The following BIRC6 variants were observed in gnomAD, a reference collection of about 807,000 sequenced individuals.
BIRC6 encodes the protein dual E2 ubiquitin-conjugating enzyme/E3 ubiquitin-protein ligase BIRC6.
A neutral mutation model predicts 503.3 loss-of-function variants in BIRC6; 98 were observed. The ratio of observed to expected loss-of-function variants is 0.19; its 90% CI spans 0.17 to 0.23. The LOEUF (loss-of-function observed/expected upper bound fraction) is 0.23, where lower values mean the gene tolerates loss of function less well. Among genes scored for constraint, BIRC6 ranks in the 10% least tolerant of loss-of-function variants. BIRC6 has a pLI of 1.00. For synonymous variants in BIRC6, 2,240 were observed against 2,078.7 expected (o/e 1.08, Z -2.11); for missense variants, 5,360 against 5,806.0 (o/e 0.92, Z 2.50).
chr2:32,545,623 CTCT>C lies in BIRC6; in HGVS notation c.12593-15_12593-13del, dbSNP rs1191271589. 1 of 1,585,934 alleles carries C rather than the reference CTCT, an allele frequency of 6.3e-7. No individual in the cohort carries two copies. The highest frequency in any genetic ancestry group is 8.7e-7 in the Non-Finnish European group (1 of 1,155,158). On this transcript the variant is annotated splice_polypyrimidine_tract_variant and intron_variant, in intron 62 of 73. Coordinates refer to ENST00000421745, the MANE Select transcript of BIRC6 (RefSeq NM_016252.4). ...TTTTAACTGTTTTTAATCTTGAGTC[CTCT>C]TCTTTCTTCAATCTAGGTCATATTC...
intron 53 of BIRC6, among the ~76,000 whole-genome samples, chr2:32,511,476 A>ATTTTTTTTTTTTTT (rs1166383796): frequency 5.0e-5 from 4 of 80,162 alleles, no homozygotes; most frequent in Non-Finnish European, 7.5e-5. Context: ...TAACTGACTA[A>ATTTTTTTTTTTTTT]TTTTTTTTTT....
At chr2:32,533,877 G>A (rs1322534404) in intron 61 of BIRC6, among the ~76,000 whole-genome samples, 1 of 152,156 alleles carries the variant, frequency 6.6e-6, no homozygotes, top group East Asian at 1.9e-4. Flanking sequence ...ATAATAAATT[G>A]TGCTGTTCTG....
At chr2:32,450,645 G>A (rs1226771895) in intron 22 of BIRC6, among the ~76,000 whole-genome samples, 3 of 152,098 alleles carry the variant, frequency 2.0e-5, no homozygotes, top group East Asian at 3.9e-4. Flanking sequence ...TCACCATATG[G>A]CACCTATTTT....
intron 66 of BIRC6, 113 bp downstream of exon 66, chr2:32,575,479 C>A (rs146191985): frequency 2.0e-6 from 2 of 990,454 alleles, no homozygotes; most frequent in East Asian, 2.5e-5. Flanking sequence ...GCATATACAC[C>A]CTCGGCTGGG....
chr2:32,529,596 C>T, intron 59 of BIRC6, 55 bp from the exon 60 acceptor site: 1 of 1,400,062 alleles, frequency 7.1e-7, no homozygotes. Context: ...AATAATTAAA[C>T]CAAGTAAATG....
intron 64 of BIRC6, among the ~76,000 whole-genome samples, chr2:32,548,364 A>ATTTTTT (rs1491147471): frequency 2.9e-5 from 2 of 68,048 alleles, no homozygotes; most frequent in South Asian, 4.4e-4. Context: ...TTGGTTGCTT[A>ATTTTTT]CTTTTTTTTT....
At position 32,480,233 on chromosome 2, in the gene BIRC6, C is replaced by T. The variant is rs144951591; in HGVS notation, c.7408+616C>T. On this transcript the variant is annotated intron_variant, in intron 37 of 73. Coordinates refer to ENST00000421745, the MANE Select transcript of BIRC6 (RefSeq NM_016252.4). The stretch of plus-strand genomic sequence containing the variant: ...TTCGTTATCGAAGGTTCACATAAAG[C>T]GTGCCTTTCTCTAAGAGGCTTTTTC... Among the ~76,000 whole-genome samples the T allele has an allele frequency of 6.8e-4, 103 of 152,280 alleles. 1 individual carries two copies. Among genetic ancestry groups the T allele is most frequent in the Middle Eastern group, 3.4e-3 (1 of 294 alleles).
intron 60 of BIRC6, 127 bp from the exon 61 acceptor site, chr2:32,531,226 TAA>T: frequency 1.4e-6 from 1 of 740,284 alleles, no homozygotes; most frequent in Non-Finnish European, 2.1e-6. Context: ...CAGCTATATC[TAA>T]ATAAATGATG....
chr2:32,512,771 G>A (rs916376934), intron 53 of BIRC6, among the ~76,000 whole-genome samples, 162 bp from the exon 54 acceptor site: 5 of 152,066 alleles, frequency 3.3e-5, no homozygotes, highest in Non-Finnish European at 5.9e-5. Flanking sequence ...CTTTGTTGCC[G>A]AGAGATTTCC....
chr2:32,468,632 G>C lies in BIRC6; in HGVS notation c.5976G>C (p.Gln1992His), dbSNP rs1225144022. 6.2e-7 allele frequency: 1 copy of C among 1,614,026 alleles called. No homozygotes were observed. ...LQLNLAHNAV[Q>H]RLKVALGASR... is the part of the protein sequence containing the mutation. ...TAAATTTGGCTCATAATGCAGTGCA[G>C]AGGCTCAAAGTGGCGCTAGGTGCAA... Residue 1992 changes from glutamine (Q) to histidine (H), a missense_variant, in exon 29 of 74, where the codon CAG becomes CAC. By Grantham distance (24) the Gln-to-His change is conservative (BLOSUM62 0). This residue lies in a region of BIRC6 where 2,299 missense variants were observed against 2,267.2 expected (regional missense o/e 1.01). Coordinates refer to ENST00000421745, the MANE Select transcript of BIRC6 (RefSeq NM_016252.4).
At chr2:32,520,315 T>G (rs1325018906) in intron 57 of BIRC6, among the ~76,000 whole-genome samples, 1 of 152,224 alleles carries the variant, frequency 6.6e-6, no homozygotes, top group Non-Finnish European at 1.5e-5. Flanking sequence ...AATATGCATG[T>G]GCATAAAATC....
chr2:32,553,293 G>C (rs528337198), intron 65 of BIRC6, among the ~76,000 whole-genome samples: 301 of 640 alleles, frequency 0.47, 4 homozygotes, highest in Non-Finnish European at 0.48. Context: ...AGATTTTTGT[G>C]ACTAACAGTA....
intron 61 of BIRC6, among the ~76,000 whole-genome samples, chr2:32,533,402 A>G (rs1398524637): frequency 6.6e-6 from 1 of 152,238 alleles, no homozygotes; most frequent in Non-Finnish European, 1.5e-5. Flanking sequence ...TGCTGCTTAT[A>G]GTGAAATGTG....
chr2:32,374,269 C>A (rs1404363234), intron 1 of BIRC6, among the ~76,000 whole-genome samples: 2 of 151,910 alleles, frequency 1.3e-5, no homozygotes, highest in South Asian at 4.2e-4. Context: ...CTATTTTGTT[C>A]CATTGAGCTA....
chr2:32,445,165 C>T (rs1192635273), intron 20 of BIRC6, among the ~76,000 whole-genome samples: 1 of 152,170 alleles, frequency 6.6e-6, no homozygotes, highest in Admixed American at 6.5e-5. Flanking sequence ...ATTTGAAGGA[C>T]CTTCAGTCTC....
At chr2:32,598,676 A>G (rs992936160) in intron 69 of BIRC6, among the ~76,000 whole-genome samples, 11 of 152,182 alleles carry the variant, frequency 7.2e-5, no homozygotes, top group Non-Finnish European at 1.6e-4. Flanking sequence ...TCTTCCATAG[A>G]TACGCAGCTA....
At chr2:32,538,152 T>G (rs1211549008) in intron 61 of BIRC6, among the ~76,000 whole-genome samples, 1 of 152,118 alleles carries the variant, frequency 6.6e-6, no homozygotes, top group Non-Finnish European at 1.5e-5. Context: ...AACTCAGACT[T>G]AAGCCACAGT....
chr2:32,510,115 C>G (rs1558930146), intron 52 of BIRC6, 121 bp downstream of exon 52: 3 of 1,166,672 alleles, frequency 2.6e-6, no homozygotes, highest in East Asian at 5.1e-5. Context: ...TTATGTTTAT[C>G]TCTCCTCTCT....
At chr2:32,358,985 C>G (rs1230287519) in intron 1 of BIRC6, among the ~76,000 whole-genome samples, 1 of 152,110 alleles carries the variant, frequency 6.6e-6, no homozygotes, top group Non-Finnish European at 1.5e-5. Context: ...AAAAGTATTT[C>G]AAGTATGAAA....
Sources: gnomAD v4.1 joint callset for allele counts (sites outside exome capture counted in the v4.1 genomes callset) on GRCh38, gnomAD v4.1.1 for gene constraint, gnomAD v4.1.1 regional missense constraint, MANE v1.5 for transcripts, NCBI Gene and HGNC (gene_info 2026-07-23, HGNC 2026-07-21) for gene names.